CASK: variants seen among roughly 807,000 people sequenced by gnomAD.
CASK encodes the protein calcium/calmodulin dependent serine protein kinase.
In CASK, 4 loss-of-function variants were observed where a neutral mutation model predicts 82.9. The ratio of observed to expected loss-of-function variants is 0.05; its 90% CI spans 0.02 to 0.11. The LOEUF (loss-of-function observed/expected upper bound fraction) is 0.11, where lower values mean the gene tolerates loss of function less well. Ranked by LOEUF, CASK falls within the 10% of genes least tolerant of loss-of-function variation. The pLI, the probability that CASK is intolerant of heterozygous loss-of-function variation, is 1.00. For missense variants in CASK, 358 were observed against 720.9 expected, an observed-to-expected ratio of 0.50 and a Z score of 5.76; for synonymous variants, 259 against 253.5, an observed-to-expected ratio of 1.02 and a Z score of -0.20.
chrX:41,586,292 C>T (rs1477758218), intron 14 of CASK: 1 of 112,378 alleles, frequency 8.9e-6, no homozygotes, highest in Non-Finnish European at 1.9e-5. Context: ...ACTGATGTGG[C>T]TAATGCTTTT....
At chrX:41,641,745 TA>T (rs950140884) in intron 8 of CASK, among the ~76,000 whole-genome samples, 1 of 111,623 alleles carries the variant, frequency 9.0e-6, no homozygotes, top group African/African-American at 3.3e-5. Flanking sequence ...TTTTTCATGT[TA>T]TAGTTTTTTT....
chrX:41,747,998 T>C (rs1215828748), intron 3 of CASK, among the ~76,000 whole-genome samples: 2 of 112,123 alleles, frequency 1.8e-5, no homozygotes, highest in Non-Finnish European at 3.8e-5. Context: ...CTGGCTGTAG[T>C]TTAAGCTGGT....
chrX:41,729,159 A>T (rs2068322275), intron 5 of CASK: 1 of 123,481 alleles, frequency 8.1e-6, no homozygotes, highest in Admixed American at 9.4e-5. Context: ...CTCTGAAGTT[A>T]TACTTCTTGG....
At chrX:41,845,697 T>C (rs1403602190) in intron 2 of CASK, among the ~76,000 whole-genome samples, 1 of 111,788 alleles carries the variant, frequency 8.9e-6, no homozygotes, top group African/African-American at 3.2e-5. Flanking sequence ...AATTGGAGTG[T>C]TTAATTCATT....
chrX:41,777,862 T>C (rs774273317), intron 3 of CASK, among the ~76,000 whole-genome samples: 1 of 112,111 alleles, frequency 8.9e-6, no homozygotes, highest in Non-Finnish European at 1.9e-5. Flanking sequence ...GTTATTCTAC[T>C]TTCAGAAATG....
chrX:41,534,163 T>C (rs768793531), intron 24 of CASK, among the ~76,000 whole-genome samples: 13 of 111,270 alleles, frequency 1.2e-4, no homozygotes, highest in Non-Finnish European at 2.1e-4. Context: ...TTAAAAATCT[T>C]ACAGATTTGA....
chrX:41,569,748 T>A lies in CASK; in HGVS notation c.1504-2A>T. On this transcript the variant is annotated splice_acceptor_variant, in intron 15 of 26. Transcript: ENST00000378163. LOFTEE classifies it high-confidence loss of function. The stretch of plus-strand genomic sequence containing the variant: ...TTCATTCATTTTTAAAGTGATTCCC[T>A]GTTAAAAAAAAAATAAAAAGTTCAG... 9.3e-7 allele frequency: 1 copy of A among 1,073,050 alleles called. No homozygotes were observed. Among genetic ancestry groups the A allele is most frequent in the African/African-American group, 1.8e-5 (1 of 54,548 alleles). The allele number at this position is 1,073,050 out of a possible 1,213,427, so 88.4% of individuals were successfully genotyped here. A position where few individuals can be genotyped will look rare whatever the true frequency, so the allele number is the denominator to read the frequency against.
chrX:41,649,356 A>G (rs1029420409), intron 8 of CASK, among the ~76,000 whole-genome samples: 1 of 111,336 alleles, frequency 9.0e-6, no homozygotes, highest in African/African-American at 3.3e-5. Context: ...TAGGGTGTCA[A>G]TTTTAGATCT....
chrX:41,716,304 C>G (rs1255905468), intron 5 of CASK, among the ~76,000 whole-genome samples: 2 of 112,181 alleles, frequency 1.8e-5, no homozygotes, highest in African/African-American at 6.5e-5. Flanking sequence ...GAGAGTGGAA[C>G]AGGCAATGAA....
Position 41,586,970 on chromosome X carries a change from T to G in CASK, c.1251A>C (p.Ser417=). ...QRAKEVLEEI[S]CYPENNDAKE... ...TTGCGTCGTTATTCTCAGGGTAACA[T>G]GAAATTTCTTCCAATACCTAAAAAA... The change falls in exon 14 of 27, where the codon TCA becomes TCC. Residue 417 remains serine (S), a synonymous_variant. Transcript: ENST00000378163. The G allele has an allele frequency of 8.7e-7, 1 of 1,148,301 alleles. No homozygotes were observed. The highest frequency in any genetic ancestry group is 1.2e-6 in the Non-Finnish European group (1 of 839,435). The allele number at this position is 1,148,301 out of a possible 1,213,427, so 94.6% of individuals were successfully genotyped here.
intron 9 of CASK, among the ~76,000 whole-genome samples, chrX:41,627,223 A>T (rs1381011864): frequency 1.8e-5 from 2 of 111,154 alleles, no homozygotes; most frequent in Admixed American, 1.9e-4. Flanking sequence ...ACAATGTCTT[A>T]CTTTTGTATA....
chrX:41,861,756 T>C (rs943560345), intron 1 of CASK, among the ~76,000 whole-genome samples: 11 of 103,463 alleles, frequency 1.1e-4, no homozygotes, highest in Non-Finnish European at 1.9e-5. Flanking sequence ...ATTACATGTA[T>C]ATATACACAT....
At chrX:41,660,065 T>C (rs181183071) in intron 8 of CASK, 4 of 198,410 alleles carry the variant, frequency 2.0e-5, no homozygotes, top group African/African-American at 3.1e-5. Flanking sequence ...TACTGAAAAA[T>C]AGTTAATGCT....
chrX:41,883,087 G>C (rs1022506632), intron 1 of CASK, among the ~76,000 whole-genome samples: 6 of 111,861 alleles, frequency 5.4e-5, no homozygotes, highest in African/African-American at 1.9e-4. Flanking sequence ...ACTCTTGTTA[G>C]GTAGTGGCAA....
chrX:41,552,073 C>A (rs1184411888), intron 21 of CASK, among the ~76,000 whole-genome samples: 1 of 103,737 alleles, frequency 9.6e-6, no homozygotes, highest in African/African-American at 3.5e-5. Context: ...ATTATAGGTG[C>A]CTGCCATCAC....
chrX:41,609,707 C>T (rs1159641335), intron 12 of CASK, among the ~76,000 whole-genome samples, 197 bp downstream of exon 12: 2 of 109,295 alleles, frequency 1.8e-5, no homozygotes, highest in Non-Finnish European at 3.8e-5. Flanking sequence ...TACAGGCATG[C>T]GCCACCACAC....
chrX:41,577,239 C>T (rs1215148758), intron 15 of CASK, among the ~76,000 whole-genome samples: 1 of 112,018 alleles, frequency 8.9e-6, no homozygotes, highest in Non-Finnish European at 1.9e-5. Flanking sequence ...CTCAGTTCTA[C>T]TGTCAATCCA....
chrX:41,923,166 G>A lies in CASK; in HGVS notation c.-178C>T, dbSNP rs938113135. ...AGAGACTGCGGCGCCTTCCTCTGCA[G>A]GCGACCGCCCCGGCGCGGGCGGCGG... On this transcript the variant is annotated 5_prime_UTR_variant, in exon 1 of 27. Coordinates refer to ENST00000378163, the MANE Select transcript of CASK (RefSeq NM_001367721.1). 1.9e-4 allele frequency: 42 copies of A among 224,841 alleles called. No individual in the cohort carries two copies. The highest frequency in any genetic ancestry group is 1.4e-3 in the Middle Eastern group (1 of 710). The allele number at this position is 224,841 out of a possible 1,213,427, so 18.5% of individuals were successfully genotyped here.
At position 41,849,581 on chromosome X, in the gene CASK, A is replaced by G. The variant is rs908102126; in HGVS notation, c.172+3534T>C. Among the ~76,000 whole-genome samples the G allele has an allele frequency of 3.6e-5, 4 of 111,925 alleles. No homozygotes were observed. The Admixed American group carries it at 3.8e-4, about 11-fold the overall frequency. ...AGAAATTCTAAATCATTTAGGAATA[A>G]TATGCCTTTTTAGGAATCTAATAAG... On this transcript the variant is annotated intron_variant, in intron 2 of 26. Coordinates refer to ENST00000378163, the MANE Select transcript of CASK (RefSeq NM_001367721.1).
Sources: gnomAD v4.1 joint callset for allele counts (sites outside exome capture counted in the v4.1 genomes callset) on GRCh38, gnomAD v4.1.1 for gene constraint, MANE v1.5 for transcripts, NCBI Gene and HGNC (gene_info 2026-07-23, HGNC 2026-07-21) for gene names.